Variants in NDE1 observed in about 807,000 individuals in gnomAD.
NDE1 encodes the protein nudE neurodevelopment protein 1.
A neutral mutation model predicts 43.4 loss-of-function variants in NDE1; 28 were observed. The observed-to-expected ratio is 0.65, with a 90% CI of 0.48 to 0.89. The LOEUF (loss-of-function observed/expected upper bound fraction) is 0.89. Among genes scored for constraint, NDE1 ranks in the 40% least tolerant of loss-of-function variants. NDE1 has a pLI of 0.00. For missense variants in NDE1, 441 were observed against 434.1 expected (o/e 1.02, Z -0.14); for synonymous variants, 184 against 172.0 (o/e 1.07, Z -0.55).
intron 8 of NDE1, chr16:15,721,425 C>T: frequency 1.2e-6 from 2 of 1,614,112 alleles, no homozygotes; most frequent in Non-Finnish European, 1.7e-6. Flanking sequence ...CACTTACGTT[C>T]TTGCCCACGT....
intron 8 of NDE1, among the ~76,000 whole-genome samples, chr16:15,716,829 T>C (rs1211181803): frequency 6.6e-6 from 1 of 152,172 alleles, no homozygotes; most frequent in Non-Finnish European, 1.5e-5. Flanking sequence ...GGATTTTTGA[T>C]CTGTCAGCAT....
chr16:15,655,631 A>G lies in NDE1; in HGVS notation c.-44+5337A>G, dbSNP rs186592840. Among the ~76,000 whole-genome samples, 239 of 152,276 alleles carry G rather than the reference A, an allele frequency of 1.6e-3. 1 individual carries two copies. Among genetic ancestry groups the G allele is most frequent in the African/African-American group, 5.5e-3 (228 of 41,556 alleles). ...TGACCCAGCCATCGCATTACTGGGTATATACCCAAAGGACTATAAATCATG... is the reference window on the plus strand; with the variant it reads ...TGACCCAGCCATCGCATTACTGGGTGTATACCCAAAGGACTATAAATCATG... On this transcript the variant is annotated intron_variant, in intron 1 of 8. Coordinates refer to ENST00000396354, the MANE Select transcript of NDE1 (RefSeq NM_017668.3).
chr16:15,723,390 T>C (rs1272339007), intron 8 of NDE1, among the ~76,000 whole-genome samples: 1 of 152,200 alleles, frequency 6.6e-6, no homozygotes, highest in Non-Finnish European at 1.5e-5. Context: ...CTCATACCTA[T>C]AATCCCAGCA....
chr16:15,724,878 G>C lies in NDE1; in HGVS notation c.*627G>C, dbSNP rs2151219775. 5 of 1,613,980 alleles carry C rather than the reference G, an allele frequency of 3.1e-6. No individual in the cohort carries two copies. Among genetic ancestry groups the C allele is most frequent in the Non-Finnish European group, 3.4e-6 (4 of 1,179,998 alleles). On this transcript the variant is annotated 3_prime_UTR_variant, in exon 9 of 9. Transcript: ENST00000396354. Reference sequence around the variant, plus strand: ...CCCAGGTCCCCTGGATGATGTGGCAGGACACTCACCTGGGTGTCCTGGAGC... The same window carrying C: ...CCCAGGTCCCCTGGATGATGTGGCACGACACTCACCTGGGTGTCCTGGAGC...
In NDE1 at chr16:15,650,259, C is replaced by G. The variant is rs781582515; in HGVS notation, c.-79C>G. 9 of 291,564 alleles carry G rather than the reference C, an allele frequency of 3.1e-5. No individual in the cohort carries two copies. The highest frequency in any genetic ancestry group is 1.2e-4 in the Admixed American group (3 of 25,792). 18.1% of individuals were successfully genotyped at this position (291,564 alleles called of 1,614,324 possible). ...CACCGCCCTTCGCAGCCGCCTCTGC[C>G]GCCGCCGCCGCGTTGGCCTCGCCGC... is the stretch of plus-strand genomic sequence containing the variant. On this transcript the variant is annotated 5_prime_UTR_variant, in exon 1 of 9. Coordinates refer to ENST00000396354, the MANE Select transcript of NDE1 (RefSeq NM_017668.3).
At chr16:15,702,340 T>G (rs1249157064) in intron 8 of NDE1, among the ~76,000 whole-genome samples, 1 of 152,226 alleles carries the variant, frequency 6.6e-6, no homozygotes, top group African/African-American at 2.4e-5. Context: ...AGATGAATAT[T>G]CGGCAAGACC....
intron 7 of NDE1, chr16:15,695,010 T>G (rs2038942570): frequency 2.8e-6 from 2 of 725,374 alleles, no homozygotes; most frequent in South Asian, 1.2e-4. Flanking sequence ...CTGCCCCGAC[T>G]TGGCCTCTAC....
upstream of NDE1, among the ~76,000 whole-genome samples, chr16:15,647,023 C>T (rs1287640076): frequency 2.0e-5 from 3 of 152,216 alleles, no homozygotes; most frequent in Non-Finnish European, 2.9e-5. Flanking sequence ...GCACTCTAGC[C>T]TGGGCAACAG....
chr16:15,725,459 T>TTGTCCCTTCAC lies in NDE1; in HGVS notation c.*1210_*1211insTCCCTTCACTG, dbSNP rs59512013. 20,298 of 437,680 alleles carry TTGTCCCTTCAC rather than the reference T, an allele frequency of 0.046. 1,662 individuals carry two copies. The highest frequency in any genetic ancestry group is 0.25 in the African/African-American group (12,289 of 49,332). 27.1% of individuals were successfully genotyped at this position (437,680 alleles called of 1,614,324 possible). A position where few individuals can be genotyped will look rare whatever the true frequency, so the allele number is the denominator to read the frequency against. ...TCCCTTCCTTCCTCACTCCTACTCT[T>TTGTCCCTTCAC]TGACCCTGATGGCCAAAGCCAGAGA... On this transcript the variant is annotated 3_prime_UTR_variant, in exon 9 of 9. Coordinates refer to ENST00000396354, the MANE Select transcript of NDE1 (RefSeq NM_017668.3).
intron 1 of NDE1, among the ~76,000 whole-genome samples, chr16:15,662,771 G>A (rs1464228709): frequency 6.6e-6 from 1 of 152,136 alleles, no homozygotes; most frequent in Non-Finnish European, 1.5e-5. Context: ...TAGAGACGGA[G>A]TTTCTCCATG....
chr16:15,694,715 C>T (rs972116808), intron 7 of NDE1: 35 of 985,242 alleles, frequency 3.6e-5, no homozygotes, highest in Non-Finnish European at 1.8e-5. Context: ...ATCATTAGAG[C>T]TTCCTGTGGG....
At chr16:15,677,034 C>T (rs2037917559) in intron 3 of NDE1, among the ~76,000 whole-genome samples, 1 of 152,086 alleles carries the variant, frequency 6.6e-6, no homozygotes, top group Non-Finnish European at 1.5e-5. Context: ...AATCTCAACC[C>T]TGTTGAGAGT....
At chr16:15,717,806 G>C (rs2040244146) in intron 8 of NDE1, 1 of 259,696 alleles carries the variant, frequency 3.9e-6, no homozygotes, top group African/African-American at 2.2e-5. Context: ...AAAAAAAGAG[G>C]TGCTTCCACA....
chr16:15,702,745 G>T (rs908764072), intron 8 of NDE1, among the ~76,000 whole-genome samples: 1 of 152,112 alleles, frequency 6.6e-6, no homozygotes, highest in East Asian at 1.9e-4. Flanking sequence ...CTGACTCATT[G>T]GACAAGACCT....
chr16:15,655,453 A>T (rs1255445170), intron 1 of NDE1, among the ~76,000 whole-genome samples: 7 of 152,176 alleles, frequency 4.6e-5, no homozygotes, highest in African/African-American at 1.7e-4. Flanking sequence ...CCTCTCTCTG[A>T]CATTTTTGAA....
upstream of NDE1, among the ~76,000 whole-genome samples, chr16:15,648,125 T>C (rs1359015400): frequency 6.6e-6 from 1 of 152,098 alleles, no homozygotes; most frequent in African/African-American, 2.4e-5. Context: ...ACATGAGATA[T>C]TTTGATAACA....
rs545014195 is a variant in NDE1 at position 15,706,168 on chromosome 16, C to T, written c.947+9308C>T. 6.0e-3 allele frequency among the ~76,000 whole-genome samples: 910 copies of T among 152,210 alleles called. 8 individuals carry two copies. The highest frequency in any genetic ancestry group is 0.031 in the Middle Eastern group (9 of 294). ...GAATAAATACTTAAAGCTGCAGCCA[C>T]TTCAAAGTAAACACTCCTAGCCCAG... On this transcript the variant is annotated intron_variant, in intron 8 of 8. Coordinates refer to ENST00000396354, the MANE Select transcript of NDE1 (RefSeq NM_017668.3).
At chr16:15,714,749 C>T in intron 8 of NDE1, 1 of 936,758 alleles carries the variant, frequency 1.1e-6, no homozygotes, top group East Asian at 2.4e-5. Flanking sequence ...CAGTGCCTGG[C>T]CCACACTAAG....
At position 15,667,370 on chromosome 16, in the gene NDE1, A is replaced by G; in HGVS notation, c.168A>G (p.Gln56=). Residue 56 remains glutamine (Q), a synonymous_variant, in exon 3 of 9, where the codon CAA becomes CAG. Coordinates refer to ENST00000396354, the MANE Select transcript of NDE1 (RefSeq NM_017668.3). The stretch of plus-strand genomic sequence containing the variant: ...CTGAATTGGAGACGCAGCTGCAACA[A>G]ATTGAAACCAGGAACAGAGACCTCC... ...YEAELETQLQ[Q]IETRNRDLLS... The G allele has an allele frequency of 6.2e-7, 1 of 1,614,078 alleles. No homozygotes were observed. Among genetic ancestry groups the G allele is most frequent in the Non-Finnish European group, 8.5e-7 (1 of 1,179,998 alleles).
Sources: gnomAD v4.1 joint callset for allele counts (sites outside exome capture counted in the v4.1 genomes callset) on GRCh38, gnomAD v4.1.1 for gene constraint, MANE v1.5 for transcripts, NCBI Gene and HGNC (gene_info 2026-07-23, HGNC 2026-07-21) for gene names.